Variants in ZNF492 observed in about 807,000 individuals in gnomAD.
The protein encoded by ZNF492 is zinc finger protein 492.
Under a neutral mutation model 6.4 loss-of-function variants are expected in ZNF492, and 3 were observed. That is an observed-to-expected ratio of 0.47 (90% CI 0.21 to 1.22). The LOEUF (loss-of-function observed/expected upper bound fraction) is 1.22. ZNF492 is among the 50% of genes most tolerant of loss of function. The pLI, the probability that ZNF492 is intolerant of heterozygous loss-of-function variation, is 0.22. For synonymous variants in ZNF492, 112 were observed against 205.3 expected (o/e 0.55, Z 3.89); for missense variants, 356 against 612.5 (o/e 0.58, Z 4.42).
At chr19:22,634,718 C>G (rs1433182979) in intron 1 of ZNF492, among the ~76,000 whole-genome samples, 6 of 152,154 alleles carry the variant, frequency 3.9e-5, no homozygotes, top group African/African-American at 1.2e-4. Flanking sequence ...GGAGCCCTCT[C>G]TGGGCAGCTC....
At chr19:22,652,593 T>A (rs1279896741) in intron 1 of ZNF492, among the ~76,000 whole-genome samples, 12 of 151,342 alleles carry the variant, frequency 7.9e-5, no homozygotes, top group Admixed American at 2.6e-4. Flanking sequence ...CTTTTTTTTT[T>A]TTTTGAGACG....
In ZNF492 at chr19:22,663,899, A is replaced by T; in HGVS notation, c.230A>T (p.Glu77Val). The T allele has an allele frequency of 6.3e-7, 1 of 1,594,196 alleles. No individual in the cohort carries two copies. Among genetic ancestry groups the T allele is most frequent in the Non-Finnish European group, 8.5e-7 (1 of 1,172,152 alleles). The change falls in exon 4 of 4, where the codon GAA becomes GTA. Residue 77 changes from glutamate to valine, a missense_variant. Glu to Val is a moderately radical substitution (Grantham distance 121). This residue lies in a region of ZNF492 where 196 missense variants were observed against 219.4 expected (regional missense o/e 0.89). Transcript: ENST00000456783. ...AGAAGATATAAAAAATGTGGATGTG[A>T]AAATTTACAGTTAAGAAAATACTGT... ...ILRRYKKCGC[E>V]NLQLRKYCKS...
chr19:22,653,068 A>C (rs1487647498), intron 1 of ZNF492, among the ~76,000 whole-genome samples: 2 of 150,222 alleles, frequency 1.3e-5, no homozygotes, highest in Middle Eastern at 3.4e-3. Flanking sequence ...TTTATACTTC[A>C]TCATCCGAAG....
Position 22,653,997 on chromosome 19 carries a change from A to G in ZNF492, c.112A>G (p.Met38Val), listed in dbSNP as rs1359819674. 3.7e-6 allele frequency: 6 copies of G among 1,601,584 alleles called. No individual in the cohort carries two copies. The highest frequency in any genetic ancestry group is 1.1e-5 in the South Asian group (1 of 88,574). Residue 38 changes from methionine to valine, a missense_variant, in exon 3 of 4, where the codon ATG becomes GTG. Met to Val is a conservative substitution (Grantham distance 21). Transcript: ENST00000456783. ...KEPWNVKRHE[M>V]VAEPPVVCSY... ...ACCTTGGAATGTGAAGAGACATGAG[A>G]TGGTAGCTGAACCCCCAGGTAGGTG...
chr19:22,653,176 T>C (rs969818900), intron 1 of ZNF492, 131 bp from the exon 2 acceptor site: 3 of 1,047,620 alleles, frequency 2.9e-6, no homozygotes, highest in Non-Finnish European at 2.7e-6. Flanking sequence ...CTGAAAGTTA[T>C]TTATTAAATA....
chr19:22,642,737 C>CA, intron 1 of ZNF492, among the ~76,000 whole-genome samples: 1 of 152,134 alleles, frequency 6.6e-6, no homozygotes, highest in South Asian at 2.1e-4. Context: ...ACCTGAGATT[C>CA]ATTGCTTTGT....
At chr19:22,645,918 C>T (rs1487871433) in intron 1 of ZNF492, among the ~76,000 whole-genome samples, 2 of 152,154 alleles carry the variant, frequency 1.3e-5, no homozygotes, top group East Asian at 1.9e-4. Context: ...GTTTTGCTTA[C>T]TGTAGTCTTG....
Position 22,645,370 on chromosome 19 carries a change from G to GT in ZNF492, c.-93-7929dup, listed in dbSNP as rs199965079. Reference sequence around the variant, plus strand: ...CCTTTGCTCACTTTTTGATGGAATTGTTTTTTTTCTTGTAAATTTTTAAAA... The same window carrying GT: ...CCTTTGCTCACTTTTTGATGGAATTGTTTTTTTTTCTTGTAAATTTTTAAAA... On this transcript the variant is annotated intron_variant, in intron 1 of 3. Transcript: ENST00000456783. 8.6e-3 allele frequency among the ~76,000 whole-genome samples: 1,300 copies of GT among 151,760 alleles called. 15 individuals carry two copies. The highest frequency in any genetic ancestry group is 0.03 in the African/African-American group (1,234 of 41,340).
chr19:22,636,595 C>T (rs1016771053), intron 1 of ZNF492, among the ~76,000 whole-genome samples: 12 of 150,254 alleles, frequency 8.0e-5, no homozygotes, highest in Admixed American at 2.0e-4. Context: ...CACAGTATTC[C>T]GTGATATTTA....
chr19:22,636,513 T>C (rs906237524), intron 1 of ZNF492, among the ~76,000 whole-genome samples: 19 of 127,862 alleles, frequency 1.5e-4, no homozygotes, highest in Non-Finnish European at 3.0e-4. Context: ...GACATGATCT[T>C]CTGTGTGTGT....
In ZNF492 at chr19:22,664,229, A is replaced by G; in HGVS notation, c.560A>G (p.His187Arg). Residue 187 changes from histidine to arginine, a missense_variant, in exon 4 of 4, where the codon CAT becomes CGT. Transcript: ENST00000456783. The part of the protein sequence containing the change: ...AYNETSNLST[H>R]KRIHTGKKPY... Reference sequence around the variant, plus strand: ...AATGAGACCTCAAACCTTTCTACACATAAAAGAATTCATACTGGAAAGAAA... The same window carrying G: ...AATGAGACCTCAAACCTTTCTACACGTAAAAGAATTCATACTGGAAAGAAA... 3 of 1,612,442 alleles carry G rather than the reference A, an allele frequency of 1.9e-6. No homozygotes were observed. The highest frequency in any genetic ancestry group is 1.1e-5 in the South Asian group (1 of 90,954).
intron 1 of ZNF492, 31 bp downstream of exon 1, chr19:22,634,505 A>AG: frequency 7.3e-7 from 1 of 1,373,582 alleles, no homozygotes; most frequent in Non-Finnish European, 1.0e-6. Context: ...ATCCCGAGAG[A>AG]GGGGAAGGGG....
At position 22,664,082 on chromosome 19, in the gene ZNF492, A is replaced by C. The variant is rs1159667950; in HGVS notation, c.413A>C (p.Lys138Thr). 3.1e-6 allele frequency: 5 copies of C among 1,604,414 alleles called. No individual in the cohort carries two copies. In the Admixed American group the frequency reaches 8.7e-5, roughly 28 times the overall value. The change falls in exon 4 of 4, where the codon AAG becomes ACG. Residue 138 changes from lysine to threonine, a missense_variant. Transcript: ENST00000456783. Reference sequence around the variant, plus strand: ...AGACATACGATAAGACATACTGGAAAGAAATCTTTCAAATGTAAAGAATGT... The same window carrying C: ...AGACATACGATAAGACATACTGGAACGAAATCTTTCAAATGTAAAGAATGT... ...SNRHTIRHTG[K>T]KSFKCKECEK... is the part of the protein sequence containing the mutation.
At chr19:22,634,978 A>G (rs1055241470) in intron 1 of ZNF492, among the ~76,000 whole-genome samples, 2 of 152,200 alleles carry the variant, frequency 1.3e-5, no homozygotes, top group African/African-American at 4.8e-5. Flanking sequence ...TGGTCGGTCC[A>G]TGGGAGGATC....
intron 3 of ZNF492, among the ~76,000 whole-genome samples, chr19:22,657,777 G>C (rs188091555): frequency 5.9e-5 from 9 of 152,204 alleles, no homozygotes; most frequent in Admixed American, 1.3e-4. Flanking sequence ...AAGTCGGTGT[G>C]TGGTTTAAGA....
intron 1 of ZNF492, among the ~76,000 whole-genome samples, chr19:22,649,668 C>T (rs962535057): frequency 3.0e-4 from 45 of 151,916 alleles, no homozygotes; most frequent in Non-Finnish European, 6.3e-4. Flanking sequence ...ATCTTGTCTG[C>T]ATGCCTTATT....
Position 22,664,865 on chromosome 19 carries a change from G to C in ZNF492, c.1196G>C (p.Gly399Ala). The change falls in exon 4 of 4, where the codon GGC becomes GCC. Residue 399 changes from glycine to alanine, a missense_variant. Coordinates refer to ENST00000456783, the MANE Select transcript of ZNF492 (RefSeq NM_020855.3). Reference sequence around the variant, plus strand: ...AAGCCCTACAAATGTGAAGAATGTGGCAAAGCTTTTAACCTATCGTCACAA... The same window carrying C: ...AAGCCCTACAAATGTGAAGAATGTGCCAAAGCTTTTAACCTATCGTCACAA... Reference protein sequence around the residue: ...GEKPYKCEECGKAFNLSSQLT... With the variant: ...GEKPYKCEECAKAFNLSSQLT... The C allele has an allele frequency of 6.2e-7, 1 of 1,610,592 alleles. No homozygotes were observed. Among genetic ancestry groups the C allele is most frequent in the African/African-American group, 1.3e-5 (1 of 74,642 alleles).
rs531303435 is a variant in ZNF492, at chr19:22,664,266, C to T, written c.597C>T (p.Cys199=). The change falls in exon 4 of 4, where the codon TGC becomes TGT. Residue 199 remains cysteine (C), a synonymous_variant. Coordinates refer to ENST00000456783, the MANE Select transcript of ZNF492 (RefSeq NM_020855.3). ...ATACTGGAAAGAAACCCTACAAATG[C>T]GAAGAGTGTGGAAAAGCCTTTAACC... The part of the protein sequence containing the change: ...RIHTGKKPYK[C]EECGKAFNRL... The T allele has an allele frequency of 2.3e-5, 37 of 1,597,666 alleles. No individual in the cohort carries two copies. The highest frequency in any genetic ancestry group is 1.3e-4 in the South Asian group (12 of 89,382).
At chr19:22,640,202 G>A (rs992340567) in intron 1 of ZNF492, among the ~76,000 whole-genome samples, 1 of 150,046 alleles carries the variant, frequency 6.7e-6, no homozygotes, top group Non-Finnish European at 1.5e-5. Context: ...TCACTCTCTT[G>A]CCTAGGCTGG....
Sources: allele counts gnomAD v4.1 joint callset (sites outside exome capture counted in the v4.1 genomes callset), GRCh38; gene constraint gnomAD v4.1.1; regional missense constraint gnomAD v4.1.1; transcripts MANE v1.5; gene names NCBI Gene and HGNC (gene_info 2026-07-23, HGNC 2026-07-21).